The following KCNQ1 variants were observed in gnomAD, a reference collection of about 807,000 sequenced individuals.
KCNQ1 encodes the protein potassium voltage-gated channel subfamily Q member 1.
KCNQ1 carries 49 observed loss-of-function variants against 72.4 expected under a neutral mutation model. That is an observed-to-expected ratio of 0.68 (90% confidence interval 0.54 to 0.86). The LOEUF is 0.86. Among genes scored for constraint, KCNQ1 ranks in the 40% least tolerant of loss-of-function variants. The probability of loss-of-function intolerance (pLI) is 0.00; values close to 1 mark genes in which losing one functional copy is unlikely to be tolerated. For synonymous variants in KCNQ1, 450 were observed against 412.6 expected, an observed-to-expected ratio of 1.09 and a Z score of -1.10; for missense variants, 790 against 945.1, an observed-to-expected ratio of 0.84 and a Z score of 2.15.
rs2133613066 is a variant in KCNQ1, at chr11:2,481,824, G to A, written c.386+36340G>A. On this transcript the variant is annotated intron_variant, in intron 1 of 15. Coordinates refer to ENST00000155840, the MANE Select transcript of KCNQ1 (RefSeq NM_000218.3). The surrounding 1 kb of genome is among the most constrained non-coding windows in gnomAD (Gnocchi z 4.6). ...CTAGTTGCAGGAAAACAAGCTCAGG[G>A]CTCTCACTGATTCTACATTATGGTG... Among the ~76,000 whole-genome samples the A allele has an allele frequency of 6.6e-6, 1 of 152,196 alleles. No individual in the cohort carries two copies. The highest frequency in any genetic ancestry group is 2.1e-4 in the South Asian group (1 of 4,816).
chr11:2,696,878 G>C, intron 11 of KCNQ1: 1 of 397,794 alleles, frequency 2.5e-6, no homozygotes, highest in East Asian at 3.6e-5. Context: ...AAGAAATGTG[G>C]TTTGTTTTTG....
intron 10 of KCNQ1, chr11:2,633,359 G>A (rs540086235): frequency 5.0e-6 from 2 of 398,432 alleles, no homozygotes; most frequent in Non-Finnish European, 8.8e-6. Context: ...CCTTTTATGT[G>A]TAGGTTTTTA....
chr11:2,672,289 G>T, intron 11 of KCNQ1: 1 of 398,654 alleles, frequency 2.5e-6, no homozygotes. Flanking sequence ...CCACCAGCTG[G>T]GTGTGTGGGC....
chr11:2,459,555 C>T (rs1018417287), intron 1 of KCNQ1, among the ~76,000 whole-genome samples: 5 of 152,228 alleles, frequency 3.3e-5, no homozygotes, highest in African/African-American at 9.6e-5. Context: ...CAGGCTGTGG[C>T]ACTGTGGCGA....
chr11:2,516,596 G>C lies in KCNQ1; in HGVS notation c.387-11332G>C, dbSNP rs961203125. On this transcript the variant is annotated intron_variant, in intron 1 of 15. Coordinates refer to ENST00000155840, the MANE Select transcript of KCNQ1 (RefSeq NM_000218.3). The surrounding 1 kb of genome is among the most constrained non-coding windows in gnomAD (Gnocchi z 7.0). ...CTCCTGATTGTGTAGCGGGTCCCCTGAAACCAACACACAGGTGCAGACACC... is the reference window on the plus strand; with the variant it reads ...CTCCTGATTGTGTAGCGGGTCCCCTCAAACCAACACACAGGTGCAGACACC... Among the ~76,000 whole-genome samples, 2 of 152,098 alleles carry C rather than the reference G, an allele frequency of 1.3e-5. No homozygotes were observed. Among genetic ancestry groups the C allele is most frequent in the African/African-American group, 4.8e-5 (2 of 41,404 alleles).
intron 11 of KCNQ1, among the ~76,000 whole-genome samples, chr11:2,729,401 T>A (rs1845815077): frequency 6.6e-6 from 1 of 152,228 alleles, no homozygotes; most frequent in South Asian, 2.1e-4. Context: ...TGAGATGTGT[T>A]GGCATTTACT....
At chr11:2,648,260 C>G in intron 10 of KCNQ1, 1 of 398,552 alleles carries the variant, frequency 2.5e-6, no homozygotes. Context: ...TACCTTTTAT[C>G]TCTATTTCAT....
At position 2,798,368 on chromosome 11, in the gene KCNQ1, A is replaced by G. The variant is rs1193309854; in HGVS notation, c.1794+20331A>G. ...ACCTGGGGTTGTGCCCAGTCCTCAG[A>G]ACTCACCTGCCCATGGTCATCTGAG... is the stretch of plus-strand genomic sequence containing the variant. On this transcript the variant is annotated intron_variant, in intron 15 of 15. Transcript: ENST00000155840. Among the ~76,000 whole-genome samples, 3 of 152,148 alleles carry G rather than the reference A, an allele frequency of 2.0e-5. No homozygotes were observed. The East Asian group carries it at 5.8e-4, about 29-fold the overall frequency.
intron 1 of KCNQ1, among the ~76,000 whole-genome samples, chr11:2,504,306 AG>A (rs548252563): frequency 2.0e-3 from 304 of 152,260 alleles, no homozygotes; most frequent in African/African-American, 6.9e-3. Context: ...ATAGAGTAAA[AG>A]GATGGTTACC....
Position 2,645,377 on chromosome 11 carries a change from A to T in KCNQ1, c.1394-16584A>T. The T allele has an allele frequency of 2.5e-6, 1 of 398,792 alleles. No homozygotes were observed. The highest frequency in any genetic ancestry group is 3.6e-5 in the East Asian group (1 of 28,056). The allele number at this position is 398,792 out of a possible 1,614,324, so 24.7% of individuals were successfully genotyped here. A position where few individuals can be genotyped will look rare whatever the true frequency, so the allele number is the denominator to read the frequency against. On this transcript the variant is annotated intron_variant, in intron 10 of 15. Coordinates refer to ENST00000155840, the MANE Select transcript of KCNQ1 (RefSeq NM_000218.3). This position sits in a 1 kb window ranked among gnomAD's most constrained non-coding sequence, Gnocchi z 5.8. The stretch of plus-strand genomic sequence containing the variant: ...GTATGCGCTGGCACTGGGAGAAAAG[A>T]GGGTGGGACCAGGCCAGGTGGGCCT...
At chr11:2,797,944 C>T (rs2134019586) in intron 15 of KCNQ1, among the ~76,000 whole-genome samples, 1 of 152,312 alleles carries the variant, frequency 6.6e-6, no homozygotes, top group Non-Finnish European at 1.5e-5. Flanking sequence ...TGCTCAGGGT[C>T]ATGGCCAACC....
At chr11:2,570,586 G>T (rs1342541758) in intron 2 of KCNQ1, 42 bp from the exon 3 acceptor site, 1 of 1,608,250 alleles carries the variant, frequency 6.2e-7, no homozygotes, top group Non-Finnish European at 8.5e-7. Flanking sequence ...GCCACTCAAG[G>T]CCGAGCCTGC....
intron 1 of KCNQ1, among the ~76,000 whole-genome samples, chr11:2,514,782 C>T (rs548392897): frequency 3.2e-4 from 48 of 152,272 alleles, no homozygotes; most frequent in African/African-American, 1.1e-3. Context: ...GCCGAGATTG[C>T]GCCACTGCAC....
rs1342396529 is a variant in KCNQ1 at position 2,787,366 on chromosome 11, A to G, written c.1794+9329A>G. On this transcript the variant is annotated intron_variant, in intron 15 of 15. Coordinates refer to ENST00000155840, the MANE Select transcript of KCNQ1 (RefSeq NM_000218.3). This position sits in a 1 kb window ranked among gnomAD's most constrained non-coding sequence, Gnocchi z 6.3. ...CTGGGGCAGGCCTGGGCTTTGACAC[A>G]TAATCATCTATTCCTGGTGAAACCA... Among the ~76,000 whole-genome samples, 1 of 152,130 alleles carries G rather than the reference A, an allele frequency of 6.6e-6. No individual in the cohort carries two copies. Among genetic ancestry groups the G allele is most frequent in the Admixed American group, 6.5e-5 (1 of 15,270 alleles).
chr11:2,672,241 CT>C, intron 11 of KCNQ1: 1 of 398,620 alleles, frequency 2.5e-6, no homozygotes, highest in Non-Finnish European at 4.4e-6. Context: ...TACTCAAATG[CT>C]TTTTTCTGCT....
intron 15 of KCNQ1, among the ~76,000 whole-genome samples, chr11:2,786,950 T>G (rs911985422): frequency 6.3e-5 from 2 of 31,650 alleles, no homozygotes; most frequent in South Asian, 9.7e-4. Context: ...TTCGTTTCTG[T>G]TTTTTTTTTT....
intron 7 of KCNQ1, among the ~76,000 whole-genome samples, chr11:2,583,889 C>T (rs1045999130): frequency 6.6e-6 from 1 of 151,584 alleles, no homozygotes; most frequent in African/African-American, 2.4e-5. Context: ...CTGGAGAGGG[C>T]ACTTCCACGC....
At chr11:2,610,716 C>CTTTTT (rs1167505141) in intron 10 of KCNQ1, 45 of 230,128 alleles carry the variant, frequency 2.0e-4, no homozygotes, top group Admixed American at 6.3e-4. Context: ...TCTTGGTTGG[C>CTTTTT]TTTTTTTTTT....
chr11:2,838,596 C>T (rs1005027101), intron 15 of KCNQ1, among the ~76,000 whole-genome samples: 4 of 152,052 alleles, frequency 2.6e-5, no homozygotes, highest in Admixed American at 6.6e-5. Flanking sequence ...GGGGCTGGTG[C>T]GCTCAGAGGT....
Sources: allele counts gnomAD v4.1 joint callset (sites outside exome capture counted in the v4.1 genomes callset), GRCh38; gene constraint gnomAD v4.1.1; non-coding constraint Gnocchi (gnomAD v3.1); transcripts MANE v1.5; gene names NCBI Gene and HGNC (gene_info 2026-07-23, HGNC 2026-07-21).